ANKH: variants seen among roughly 807,000 people sequenced by gnomAD.
ANKH encodes the protein ANKH inorganic pyrophosphate transport regulator.
In ANKH, 15 loss-of-function variants were observed where a neutral mutation model predicts 49.0. The ratio of observed to expected loss-of-function variants is 0.31; its 90% CI spans 0.20 to 0.47. ANKH has a LOEUF of 0.47. ANKH is among the 20% of genes least tolerant of loss of function. The probability of loss-of-function intolerance (pLI) is 1.00; values close to 1 mark genes in which losing one functional copy is unlikely to be tolerated. For missense variants in ANKH, 429 were observed against 652.0 expected, an observed-to-expected ratio of 0.66 and a Z score of 3.72; for synonymous variants, 273 against 260.0, an observed-to-expected ratio of 1.05 and a Z score of -0.48.
At chr5:14,787,047 C>T (rs1233421319) in intron 1 of ANKH, among the ~76,000 whole-genome samples, 1 of 151,168 alleles carries the variant, frequency 6.6e-6, no homozygotes, top group African/African-American at 2.4e-5. Context: ...GGTGCGGTGG[C>T]TCACGCCTGT....
intron 1 of ANKH, among the ~76,000 whole-genome samples, chr5:14,796,974 C>T (rs1331706788): frequency 1.3e-5 from 2 of 152,094 alleles, no homozygotes; most frequent in Admixed American, 6.5e-5. Context: ...ATTTAGAAAA[C>T]ACCCACTGTT....
chr5:14,771,522 G>T (rs569465500), intron 1 of ANKH, among the ~76,000 whole-genome samples: 23 of 152,234 alleles, frequency 1.5e-4, no homozygotes, highest in African/African-American at 5.5e-4. Flanking sequence ...TCATTCACTG[G>T]CTCTGGGTCG....
At chr5:14,816,299 A>C (rs750486826) in intron 1 of ANKH, among the ~76,000 whole-genome samples, 2 of 152,222 alleles carry the variant, frequency 1.3e-5, no homozygotes, top group Non-Finnish European at 2.9e-5. Flanking sequence ...GCAAAATCAA[A>C]GAAGATTGGT....
chr5:14,763,526 A>G (rs996661483), intron 2 of ANKH, among the ~76,000 whole-genome samples: 2 of 152,238 alleles, frequency 1.3e-5, no homozygotes, highest in Non-Finnish European at 1.5e-5. Context: ...CACTTGTCCA[A>G]TGTGGGGGAT....
chr5:14,716,004 CT>C (rs754816502), intron 9 of ANKH, among the ~76,000 whole-genome samples: 2 of 152,122 alleles, frequency 1.3e-5, no homozygotes, highest in African/African-American at 4.8e-5. Context: ...CTCTATTTTT[CT>C]TTTTTTGATT....
intron 1 of ANKH, among the ~76,000 whole-genome samples, chr5:14,836,747 T>C (rs1741665900): frequency 6.6e-6 from 1 of 152,048 alleles, no homozygotes; most frequent in Non-Finnish European, 1.5e-5. Flanking sequence ...ATGACTTTCT[T>C]CACAGAATTG....
chr5:14,847,569 T>C (rs936684315), intron 1 of ANKH, among the ~76,000 whole-genome samples: 2 of 152,232 alleles, frequency 1.3e-5, no homozygotes, highest in African/African-American at 2.4e-5. Context: ...CTGGTCCTTC[T>C]AGCTGTCCTC....
intron 8 of ANKH, among the ~76,000 whole-genome samples, chr5:14,723,356 T>TAAA (rs112862391): frequency 8.4e-4 from 125 of 148,812 alleles, no homozygotes; most frequent in Admixed American, 1.7e-3. Context: ...ATTCTTTTTT[T>TAAA]AAAAAAAAAA....
intron 1 of ANKH, among the ~76,000 whole-genome samples, chr5:14,838,277 C>A (rs1484554183): frequency 6.7e-6 from 1 of 149,134 alleles, no homozygotes. Context: ...AAAAAATTAC[C>A]TAACGCTAAA....
chr5:14,787,139 C>A (rs1038665351), intron 1 of ANKH, among the ~76,000 whole-genome samples: 1 of 152,018 alleles, frequency 6.6e-6, no homozygotes, highest in Non-Finnish European at 1.5e-5. Context: ...CATGGTGAAA[C>A]CCCGTCTCTA....
chr5:14,850,564 C>A (rs183924068), intron 1 of ANKH, among the ~76,000 whole-genome samples: 18 of 152,374 alleles, frequency 1.2e-4, no homozygotes, highest in East Asian at 1.9e-4. Context: ...CCTCAGCCCC[C>A]CTCCGGGGTT....
At chr5:14,859,205 T>C (rs1358915670) in intron 1 of ANKH, among the ~76,000 whole-genome samples, 1 of 152,230 alleles carries the variant, frequency 6.6e-6, no homozygotes, top group Non-Finnish European at 1.5e-5. Context: ...ACTACTATTC[T>C]ACCTTCTATC....
At chr5:14,855,959 A>C (rs1735229727) in intron 1 of ANKH, among the ~76,000 whole-genome samples, 1 of 151,848 alleles carries the variant, frequency 6.6e-6, no homozygotes. Context: ...TCTGGCTTAA[A>C]GATATCCCCT....
chr5:14,790,060 T>A (rs1315478062), intron 1 of ANKH, among the ~76,000 whole-genome samples: 1 of 152,206 alleles, frequency 6.6e-6, no homozygotes, highest in Admixed American at 6.5e-5. Context: ...CAGTTTAGTC[T>A]GCTTTAAAGT....
intron 1 of ANKH, among the ~76,000 whole-genome samples, chr5:14,777,407 AT>A (rs1050152665): frequency 3.3e-5 from 5 of 152,086 alleles, no homozygotes; most frequent in Admixed American, 6.6e-5. Flanking sequence ...CTGTTGCCTG[AT>A]TTTTTTTCCA....
rs531421951 is a variant in ANKH at position 14,871,717 on chromosome 5, ACGG to A, written c.-273_-271del. 7.6e-4 allele frequency: 120 copies of A among 157,318 alleles called. No homozygotes were observed. Among genetic ancestry groups the A allele is most frequent in the East Asian group, 4.2e-3 (22 of 5,272 alleles). 9.7% of individuals were successfully genotyped at this position (157,318 alleles called of 1,614,324 possible). A position where few individuals can be genotyped will look rare whatever the true frequency, so the allele number is the denominator to read the frequency against. ...TCTGCCGGGAAAAAAAAGAGGAGGGACGGCGGCGGCGGCGGCGGCGGCAGAAGG... is the reference window on the plus strand; with the variant it reads ...TCTGCCGGGAAAAAAAAGAGGAGGGACGGCGGCGGCGGCGGCGGCAGAAGG... On this transcript the variant is annotated 5_prime_UTR_variant, in exon 1 of 12. Coordinates refer to ENST00000284268, the MANE Select transcript of ANKH (RefSeq NM_054027.6).
At chr5:14,794,821 C>T (rs1428226671) in intron 1 of ANKH, among the ~76,000 whole-genome samples, 1 of 152,232 alleles carries the variant, frequency 6.6e-6, no homozygotes, top group Non-Finnish European at 1.5e-5. Context: ...TAGGGTTGCA[C>T]TGAGTGCTGC....
At chr5:14,838,681 T>C (rs1741731719) in intron 1 of ANKH, among the ~76,000 whole-genome samples, 1 of 152,226 alleles carries the variant, frequency 6.6e-6, no homozygotes, top group African/African-American at 2.4e-5. Context: ...GGAGCTTTGC[T>C]TAATTCCAGC....
chr5:14,791,478 G>A (rs1270118325), intron 1 of ANKH, among the ~76,000 whole-genome samples: 1 of 152,154 alleles, frequency 6.6e-6, no homozygotes, highest in Non-Finnish European at 1.5e-5. Flanking sequence ...TCCTACGGCT[G>A]TAATGAGCCT....
Sources: gnomAD v4.1 joint callset for allele counts (sites outside exome capture counted in the v4.1 genomes callset) on GRCh38, gnomAD v4.1.1 for gene constraint, MANE v1.5 for transcripts, NCBI Gene and HGNC (gene_info 2026-07-23, HGNC 2026-07-21) for gene names.